Variants in RARB observed in about 807,000 individuals in gnomAD.
RARB encodes the protein retinoic acid receptor beta.
A neutral mutation model predicts 51.9 loss-of-function variants in RARB; 17 were observed. The ratio of observed to expected loss-of-function variants is 0.33; its 90% confidence interval spans 0.22 to 0.49. The LOEUF (loss-of-function observed/expected upper bound fraction) is 0.49, where lower values mean the gene tolerates loss of function less well. Among genes scored for constraint, RARB ranks in the 20% least tolerant of loss-of-function variants. The pLI is 0.99. For missense variants in RARB, 369 were observed against 550.8 expected, an observed-to-expected ratio of 0.67 and a Z score of 3.30; for synonymous variants, 215 against 195.4, an observed-to-expected ratio of 1.10 and a Z score of -0.84.
At chr3:25,155,664 T>G (rs1449488412) in intron 4 of RARB, among the ~76,000 whole-genome samples, 1 of 152,170 alleles carries the variant, frequency 6.6e-6, no homozygotes, top group African/African-American at 2.4e-5. Flanking sequence ...TTCAAAAAGC[T>G]TTATGATCTC....
intron 2 of RARB, among the ~76,000 whole-genome samples, chr3:24,925,643 C>CTCT (rs1553614637): frequency 1.0e-5 from 1 of 96,818 alleles, no homozygotes; most frequent in African/African-American, 3.9e-5. Context: ...CAGATCCTGT[C>CTCT]TTTTTTTTTT....
intron 2 of RARB, among the ~76,000 whole-genome samples, chr3:24,937,578 A>G (rs574322583): frequency 1.3e-5 from 2 of 152,160 alleles, no homozygotes; most frequent in Non-Finnish European, 2.9e-5. Context: ...AGGGAAGCAA[A>G]CAAGCAAAGC....
chr3:25,509,136 G>A (rs1266806403), intron 3 of RARB, among the ~76,000 whole-genome samples: 1 of 152,228 alleles, frequency 6.6e-6, no homozygotes, highest in African/African-American at 2.4e-5. Flanking sequence ...AAAGGGCTTT[G>A]AAGTTAGCCT....
chr3:25,131,197 G>T (rs1445890933), intron 3 of RARB, among the ~76,000 whole-genome samples: 1 of 151,856 alleles, frequency 6.6e-6, no homozygotes, highest in Non-Finnish European at 1.5e-5. Context: ...GGTGCCTACG[G>T]AATAAGCCAA....
At chr3:25,274,290 A>G (rs1232649894) in intron 5 of RARB, among the ~76,000 whole-genome samples, 4 of 152,144 alleles carry the variant, frequency 2.6e-5, no homozygotes, top group Admixed American at 6.5e-5. Flanking sequence ...TACTAACAAC[A>G]CCTCTCAATT....
intron 5 of RARB, among the ~76,000 whole-genome samples, chr3:25,209,101 A>G (rs1290244685): frequency 2.0e-5 from 3 of 152,212 alleles, no homozygotes; most frequent in Non-Finnish European, 4.4e-5. Flanking sequence ...ACAAGTGGCC[A>G]CTAATATATG....
intron 2 of RARB, among the ~76,000 whole-genome samples, chr3:24,949,018 A>G (rs1231538326): frequency 6.6e-6 from 1 of 152,224 alleles, no homozygotes; most frequent in African/African-American, 2.4e-5. Context: ...CCATTACAGT[A>G]GCTGTCTCTA....
chr3:25,177,551 C>T (rs1700780470), intron 5 of RARB, among the ~76,000 whole-genome samples: 1 of 152,160 alleles, frequency 6.6e-6, no homozygotes, highest in Non-Finnish European at 1.5e-5. Context: ...AATTCTCCTG[C>T]CCCTGTAGTG....
At chr3:25,247,975 G>A (rs1296607602) in intron 5 of RARB, among the ~76,000 whole-genome samples, 1 of 152,198 alleles carries the variant, frequency 6.6e-6, no homozygotes. Context: ...TGAGAGTGGA[G>A]TGTTGAAGTC....
intron 5 of RARB, among the ~76,000 whole-genome samples, chr3:25,373,940 G>A (rs1004857749): frequency 2.0e-5 from 3 of 152,172 alleles, no homozygotes; most frequent in African/African-American, 4.8e-5. Flanking sequence ...GCTAGATAGA[G>A]TACATGGTTG....
intron 3 of RARB, among the ~76,000 whole-genome samples, chr3:25,104,586 G>A (rs1343104938): frequency 1.3e-5 from 2 of 152,160 alleles, no homozygotes; most frequent in Non-Finnish European, 2.9e-5. Flanking sequence ...GGAGATTGGA[G>A]TGAGCTGAGA....
chr3:25,411,794 C>T (rs1463810979), intron 5 of RARB, among the ~76,000 whole-genome samples: 2 of 152,122 alleles, frequency 1.3e-5, no homozygotes. Context: ...AGACAGTGAC[C>T]CTTGGACGTC....
chr3:25,171,933 A>ATC (rs145656351), intron 4 of RARB, among the ~76,000 whole-genome samples: 14,160 of 152,234 alleles, frequency 0.093, 763 homozygotes, highest in Non-Finnish European at 0.13. Context: ...CACCAAAATC[A>ATC]TCTCTGAGAT....
chr3:25,189,470 C>G (rs1300430781), intron 5 of RARB, among the ~76,000 whole-genome samples: 1 of 152,158 alleles, frequency 6.6e-6, no homozygotes, highest in Non-Finnish European at 1.5e-5. Context: ...GGGGCCCCAG[C>G]AGTGCCCAGG....
chr3:25,165,909 G>A (rs1181264365), intron 4 of RARB, among the ~76,000 whole-genome samples: 1 of 152,044 alleles, frequency 6.6e-6, no homozygotes, highest in African/African-American at 2.4e-5. Context: ...TTTGAACTCT[G>A]TTTCTTTAGC....
chr3:25,013,252 T>G (rs922954809), intron 2 of RARB, among the ~76,000 whole-genome samples: 1 of 152,118 alleles, frequency 6.6e-6, no homozygotes, highest in African/African-American at 2.4e-5. Flanking sequence ...TAGCTTTGCT[T>G]AAGAATCTCA....
At chr3:24,890,288 T>A (rs1703352720) in intron 2 of RARB, among the ~76,000 whole-genome samples, 1 of 152,194 alleles carries the variant, frequency 6.6e-6, no homozygotes, top group Admixed American at 6.5e-5. Flanking sequence ...CTGTGTGTAT[T>A]TCTAACTTGT....
At chr3:25,054,892 A>G (rs1698406594) in intron 2 of RARB, among the ~76,000 whole-genome samples, 1 of 152,180 alleles carries the variant, frequency 6.6e-6, no homozygotes. Context: ...AAATGAATGA[A>G]ATTGAATTCC....
chr3:25,361,585 C>CT (rs962458781), intron 5 of RARB, among the ~76,000 whole-genome samples: 6 of 152,140 alleles, frequency 3.9e-5, no homozygotes, highest in Admixed American at 1.3e-4. Context: ...AATCTTCAGC[C>CT]TTTTTTTGCC....
Sources: gnomAD v4.1 joint callset for allele counts (sites outside exome capture counted in the v4.1 genomes callset) on GRCh38, gnomAD v4.1.1 for gene constraint, MANE v1.5 for transcripts, NCBI Gene and HGNC (gene_info 2026-07-23, HGNC 2026-07-21) for gene names.